SRGAP3: variants seen among roughly 807,000 people sequenced by gnomAD.
SRGAP3 encodes the protein SLIT-ROBO Rho GTPase activating protein 3, also known as SLIT-ROBO Rho GTPase-activating protein 3.
In SRGAP3, 39 loss-of-function variants were observed where a neutral mutation model predicts 121.1. The observed-to-expected ratio is 0.32, with a 90% CI of 0.25 to 0.42. The LOEUF (loss-of-function observed/expected upper bound fraction) is 0.42. SRGAP3 is among the 10% of genes least tolerant of loss of function. The pLI, the probability that SRGAP3 is intolerant of heterozygous loss-of-function variation, is 1.00. For missense variants in SRGAP3, 1,213 were observed against 1,470.6 expected (o/e 0.82, Z 2.86); for synonymous variants, 601 against 570.0 (o/e 1.05, Z -0.77).
At chr3:9,336,749 G>C (rs1448201751) in intron 1 of SRGAP3, among the ~76,000 whole-genome samples, 2 of 152,104 alleles carry the variant, frequency 1.3e-5, no homozygotes, top group Non-Finnish European at 2.9e-5. Flanking sequence ...AACTCAGATA[G>C]GTGGAATAAG....
At chr3:9,248,787 T>C (rs1397028635) in intron 1 of SRGAP3, 98 bp downstream of exon 1, 5 of 1,224,828 alleles carry the variant, frequency 4.1e-6, no homozygotes, top group East Asian at 4.7e-5. Flanking sequence ...CATTTCATAA[T>C]GGCAGAGAGG....
chr3:9,182,938 G>A (rs1344970879), intron 1 of SRGAP3, among the ~76,000 whole-genome samples: 2 of 152,102 alleles, frequency 1.3e-5, no homozygotes, highest in African/African-American at 2.4e-5. Context: ...GAGTACAGGC[G>A]AGAGCCACCG....
intron 2 of SRGAP3, among the ~76,000 whole-genome samples, chr3:9,124,192 G>C (rs1486943331): frequency 2.6e-5 from 4 of 152,150 alleles, no homozygotes; most frequent in African/African-American, 9.7e-5. Context: ...TTTGTGCATC[G>C]AAAATAAGTA....
chr3:9,315,118 CTA>C (rs1955322744), intron 3 of SRGAP3, among the ~76,000 whole-genome samples: 1 of 152,190 alleles, frequency 6.6e-6, no homozygotes, highest in Non-Finnish European at 1.5e-5. Context: ...ATCATCGGGA[CTA>C]TGTTTCCACC....
chr3:9,196,617 C>T (rs1275185039), intron 1 of SRGAP3, among the ~76,000 whole-genome samples: 3 of 152,194 alleles, frequency 2.0e-5, no homozygotes, highest in African/African-American at 7.2e-5. Flanking sequence ...CTCCAATATA[C>T]AGCATCAATG....
intron 1 of SRGAP3, among the ~76,000 whole-genome samples, chr3:9,237,512 C>G (rs1261268600): frequency 1.3e-5 from 2 of 152,144 alleles, no homozygotes; most frequent in African/African-American, 4.8e-5. Context: ...TCAGCTGATC[C>G]AATAGAGAGT....
At chr3:9,219,220 C>T (rs2125194922) in intron 1 of SRGAP3, 1 of 152,260 alleles carries the variant, frequency 6.6e-6, no homozygotes. Flanking sequence ...AGAGAGGCAT[C>T]TTGCAGTTCC....
chr3:9,204,292 C>T (rs1574863417), intron 1 of SRGAP3, among the ~76,000 whole-genome samples: 2 of 152,324 alleles, frequency 1.3e-5, no homozygotes, highest in Middle Eastern at 6.8e-3. Flanking sequence ...AGGGCCTGGA[C>T]ACACAGCCCT....
intron 1 of SRGAP3, among the ~76,000 whole-genome samples, chr3:9,233,337 G>A (rs935017519): frequency 2.0e-5 from 3 of 152,138 alleles, no homozygotes; most frequent in Non-Finnish European, 2.9e-5. Flanking sequence ...CTCCTTCCAC[G>A]TTACATTCCA....
At chr3:9,134,407 G>A (rs564529909) in intron 1 of SRGAP3, among the ~76,000 whole-genome samples, 10 of 152,242 alleles carry the variant, frequency 6.6e-5, no homozygotes, top group Admixed American at 3.9e-4. Context: ...ATTTTTAGGA[G>A]CCGATAAAGA....
chr3:9,041,447 AAAT>A (rs1945007320), intron 10 of SRGAP3, among the ~76,000 whole-genome samples: 1 of 152,248 alleles, frequency 6.6e-6, no homozygotes, highest in Non-Finnish European at 1.5e-5. Context: ...TGAAGAGATT[AAAT>A]AATATCTTTT....
chr3:9,355,197 C>G (rs1003158841), intron 1 of SRGAP3, among the ~76,000 whole-genome samples: 1 of 152,202 alleles, frequency 6.6e-6, no homozygotes, highest in Non-Finnish European at 1.5e-5. Context: ...CCAGCAATGA[C>G]AGCCCATCCT....
chr3:9,039,253 C>T (rs775262231), intron 10 of SRGAP3, among the ~76,000 whole-genome samples: 5 of 152,166 alleles, frequency 3.3e-5, no homozygotes, highest in Non-Finnish European at 5.9e-5. Flanking sequence ...GTTCTTCCTG[C>T]CCTACAAGTT....
intron 5 of SRGAP3, 109 bp downstream of exon 5, chr3:9,064,287 C>A (rs1946316676): frequency 6.9e-7 from 1 of 1,457,920 alleles, no homozygotes; most frequent in Non-Finnish European, 9.4e-7. Context: ...ACCACCACCC[C>A]ACTGGGATGC....
rs1409838371 is a variant in SRGAP3, at chr3:9,075,331, T to G, written c.486+4694A>C. Among the ~76,000 whole-genome samples the G allele has an allele frequency of 3.9e-5, 6 of 152,206 alleles. 1 individual carries two copies. The highest frequency in any genetic ancestry group is 2.0e-4 in the Admixed American group (3 of 15,292). On this transcript the variant is annotated intron_variant, in intron 4 of 21. Transcript: ENST00000383836. Reference sequence around the variant, plus strand: ...ATACAAGCACGTGAATGTGCATATGTGCTAGTGTGTGGTGCATGTCAAACT... The same window carrying G: ...ATACAAGCACGTGAATGTGCATATGGGCTAGTGTGTGGTGCATGTCAAACT...
rs758133248 is a variant in SRGAP3, at chr3:8,985,750, G to A, written c.3069C>T (p.Ala1023=). ...LHTIVIRDPD[A]AMRRSSSSST... ...AGGAGCTGCTGCTGCGGCGCATGGC[G>A]GCATCGGGGTCGCGGATGACGATGG... is the stretch of plus-strand genomic sequence containing the variant. Residue 1023 remains alanine, a synonymous_variant, in exon 22 of 22, where the codon GCC becomes GCT. Transcript: ENST00000383836. This position sits in a 1 kb window ranked among gnomAD's most constrained non-coding sequence, Gnocchi z 5.1. The A allele has an allele frequency of 2.5e-6, 4 of 1,599,242 alleles. No homozygotes were observed. Among genetic ancestry groups the A allele is most frequent in the African/African-American group, 1.3e-5 (1 of 74,886 alleles).
At chr3:9,025,438 T>C (rs1574931594) in intron 13 of SRGAP3, 100 bp from the exon 14 acceptor site, 1 of 1,266,568 alleles carries the variant, frequency 7.9e-7, no homozygotes, top group African/African-American at 1.5e-5. Context: ...TGCTTGTCTC[T>C]TTCTCCCCCG....
intron 9 of SRGAP3, chr3:9,049,260 C>G (rs111520352): frequency 0.068 from 26,301 of 389,254 alleles, 1,056 homozygotes; most frequent in Middle Eastern, 0.12. Context: ...CACTGGCCCA[C>G]CTTGATGGGT....
rs1402912919 is a variant in SRGAP3, at chr3:9,041,596, A to G, written c.1409-3506T>C. 7.2e-5 allele frequency among the ~76,000 whole-genome samples: 11 copies of G among 152,170 alleles called. 1 individual carries two copies. Among genetic ancestry groups the G allele is most frequent in the Admixed American group, 6.5e-5 (1 of 15,272 alleles). On this transcript the variant is annotated intron_variant, in intron 10 of 21. Transcript: ENST00000383836. The stretch of plus-strand genomic sequence containing the variant: ...TCCATATCCTCAGTTTAAATTCTTC[A>G]TTGCCTGTCTAGTACTTTGCAGATG...
Sources: allele counts gnomAD v4.1 joint callset (sites outside exome capture counted in the v4.1 genomes callset), GRCh38; gene constraint gnomAD v4.1.1; non-coding constraint Gnocchi (gnomAD v3.1); transcripts MANE v1.5; gene names NCBI Gene and HGNC (gene_info 2026-07-23, HGNC 2026-07-21).